Variants in ENTREP2 observed in about 807,000 individuals in gnomAD.
The protein encoded by ENTREP2 is endosomal transmembrane epsin interactor 2.
chr15:29,158,732 G>T, the ENTREP2 span, among the ~76,000 whole-genome samples: 1 of 152,066 alleles, frequency 6.6e-6, no homozygotes, highest in African/African-American at 2.4e-5. Flanking sequence ...TGAGAGAGAG[G>T]CGGGTCTTTC....
At chr15:29,540,861 G>C in the ENTREP2 span, among the ~76,000 whole-genome samples, 2 of 152,164 alleles carry the variant, frequency 1.3e-5, no homozygotes, top group Non-Finnish European at 2.9e-5. Context: ...GCATCAAAAA[G>C]CTATCTTAAA....
chr15:29,469,965 C>A, the ENTREP2 span, among the ~76,000 whole-genome samples: 1 of 152,154 alleles, frequency 6.6e-6, no homozygotes, highest in Non-Finnish European at 1.5e-5. Flanking sequence ...ACATTCAGTG[C>A]CCCTGGGTCA....
the ENTREP2 span, among the ~76,000 whole-genome samples, chr15:29,442,317 C>G: frequency 9.4e-3 from 1,428 of 152,248 alleles, 25 homozygotes; most frequent in African/African-American, 0.031. Context: ...CTGGGTTGTG[C>G]CTCCAGCAAG....
chr15:29,376,113 T>G, the ENTREP2 span: 5 of 152,152 alleles, frequency 3.3e-5, no homozygotes, highest in Non-Finnish European at 5.9e-5. Context: ...TGTCCTAAAC[T>G]GTAACTAATT....
the ENTREP2 span, among the ~76,000 whole-genome samples, chr15:29,132,562 T>TGTTCTCACCGCA: frequency 6.6e-6 from 1 of 152,254 alleles, no homozygotes; most frequent in Non-Finnish European, 1.5e-5. Flanking sequence ...ACCTTTCAGC[T>TGTTCTCACCGCA]GTTCTCACCG....
chr15:29,562,918 G>A, the ENTREP2 span, among the ~76,000 whole-genome samples: 1 of 152,082 alleles, frequency 6.6e-6, no homozygotes. Context: ...AGCCTCCCAA[G>A]TAGGTGGAAC....
the ENTREP2 span, among the ~76,000 whole-genome samples, chr15:29,665,266 TA>T: frequency 1.8e-3 from 274 of 150,852 alleles, 1 homozygote; most frequent in African/African-American, 6.3e-3. Context: ...GTTCAACAGT[TA>T]AAAAAAAAAT....
chr15:29,558,584 C>T, the ENTREP2 span, among the ~76,000 whole-genome samples: 33 of 103,524 alleles, frequency 3.2e-4, no homozygotes, highest in Non-Finnish European at 4.6e-4. Context: ...TACGGCTGAC[C>T]CTGAAAAACC....
the ENTREP2 span, among the ~76,000 whole-genome samples, chr15:29,238,270 A>T: frequency 2.2e-4 from 34 of 152,216 alleles, no homozygotes; most frequent in African/African-American, 8.0e-4. Flanking sequence ...ATGTTTACAT[A>T]CATCTGTGGA....
the ENTREP2 span, among the ~76,000 whole-genome samples, chr15:29,261,005 A>C: frequency 6.2e-3 from 945 of 152,320 alleles, 4 homozygotes; most frequent in Non-Finnish European, 0.01. Flanking sequence ...ATAATGAGAG[A>C]TCTTTCCCAT....
chr15:29,128,910 C>A, the ENTREP2 span: 1 of 1,375,938 alleles, frequency 7.3e-7, no homozygotes, highest in South Asian at 1.3e-5. Context: ...TCCGTGGGAA[C>A]GCAGCACAGC....
chr15:29,456,238 T>C, the ENTREP2 span, among the ~76,000 whole-genome samples: 1 of 152,132 alleles, frequency 6.6e-6, no homozygotes, highest in Non-Finnish European at 1.5e-5. Context: ...TAATAGTAAA[T>C]CTTGACCCAA....
At chr15:29,262,621 G>A in the ENTREP2 span, among the ~76,000 whole-genome samples, 1 of 152,206 alleles carries the variant, frequency 6.6e-6, no homozygotes, top group African/African-American at 2.4e-5. Flanking sequence ...CCCATACCTT[G>A]CCCTATGCAT....
the ENTREP2 span, among the ~76,000 whole-genome samples, chr15:29,201,642 T>C: frequency 3.3e-5 from 5 of 152,218 alleles, no homozygotes; most frequent in African/African-American, 4.8e-5. Context: ...ATGATGTATA[T>C]AACTCCTTTC....
At chr15:29,355,511 A>C in the ENTREP2 span, among the ~76,000 whole-genome samples, 1 of 152,106 alleles carries the variant, frequency 6.6e-6, no homozygotes, top group Non-Finnish European at 1.5e-5. Flanking sequence ...CAAATAAAAA[A>C]AAAAAACCTC....
At chr15:29,147,576 A>G in the ENTREP2 span, among the ~76,000 whole-genome samples, 1 of 152,166 alleles carries the variant, frequency 6.6e-6, no homozygotes, top group Admixed American at 6.5e-5. Context: ...GTTGGCGTGG[A>G]TGTGAAGAAA....
chr15:29,492,979 G>A, the ENTREP2 span, among the ~76,000 whole-genome samples: 3 of 150,932 alleles, frequency 2.0e-5, no homozygotes, highest in African/African-American at 4.9e-5. Flanking sequence ...ACTCCAGCTG[G>A]GGCGACAGAG....
the ENTREP2 span, among the ~76,000 whole-genome samples, chr15:29,258,635 T>G: frequency 5.9e-5 from 9 of 152,200 alleles, no homozygotes; most frequent in African/African-American, 1.9e-4. Flanking sequence ...TTAATGACAT[T>G]AAGTATGTTC....
At chr15:29,442,924 A>G in the ENTREP2 span, among the ~76,000 whole-genome samples, 1 of 152,150 alleles carries the variant, frequency 6.6e-6, no homozygotes, top group South Asian at 2.1e-4. Flanking sequence ...CCTGCTCCCA[A>G]AACAGCACTG....
Sources: gnomAD v4.1 joint callset for allele counts (sites outside exome capture counted in the v4.1 genomes callset) on GRCh38, gnomAD v4.1.1 for gene constraint, MANE v1.5 for transcripts, NCBI Gene and HGNC (gene_info 2026-07-23, HGNC 2026-07-21) for gene names.